MZT1: variants seen among roughly 807,000 people sequenced by gnomAD.
MZT1 encodes mitotic-spindle organizing protein 1.
MZT1 carries 8 observed loss-of-function variants against 8.5 expected under a neutral mutation model. The ratio of observed to expected loss-of-function variants is 0.94; its 90% CI spans 0.55 to 1.70. The LOEUF (loss-of-function observed/expected upper bound fraction) is 1.70, where lower values mean the gene tolerates loss of function less well. Ranked by LOEUF, MZT1 falls within the 40% of genes most tolerant of loss-of-function variation. The pLI is 0.00. For synonymous variants in MZT1, 38 were observed against 42.0 expected, an observed-to-expected ratio of 0.90 and a Z score of 0.37; for missense variants, 93 against 108.6, an observed-to-expected ratio of 0.86 and a Z score of 0.64.
intron 2 of MZT1, among the ~76,000 whole-genome samples, chr13:72,713,783 T>C (rs563083674): frequency 6.6e-6 from 1 of 152,334 alleles, no homozygotes; most frequent in African/African-American, 2.4e-5. Context: ...ATGTTGGTAC[T>C]CAAAGTATTT....
intron 1 of MZT1, among the ~76,000 whole-genome samples, chr13:72,722,998 T>C (rs994063445): frequency 6.6e-6 from 1 of 152,242 alleles, no homozygotes; most frequent in African/African-American, 2.4e-5. Context: ...ACCATCAGTA[T>C]ACTGGAACAC....
At chr13:72,722,747 T>G (rs2032603213) in intron 1 of MZT1, among the ~76,000 whole-genome samples, 1 of 152,202 alleles carries the variant, frequency 6.6e-6, no homozygotes. Context: ...GACAATCCCC[T>G]GCTGTGGTTC....
At chr13:72,726,168 G>T (rs1419149161) in intron 1 of MZT1, among the ~76,000 whole-genome samples, 1 of 152,266 alleles carries the variant, frequency 6.6e-6, no homozygotes, top group East Asian at 1.9e-4. Context: ...GGTGGCTCAC[G>T]CCTGTAATCC....
At chr13:72,720,803 G>A (rs1367126709) in intron 1 of MZT1, among the ~76,000 whole-genome samples, 1 of 152,132 alleles carries the variant, frequency 6.6e-6, no homozygotes. Context: ...CAGGAGAATC[G>A]CTTGAACCCG....
intron 1 of MZT1, among the ~76,000 whole-genome samples, chr13:72,725,178 A>G (rs2032635928): frequency 6.6e-6 from 1 of 152,182 alleles, no homozygotes; most frequent in Non-Finnish European, 1.5e-5. Flanking sequence ...CAATCAATAG[A>G]GAGTACCTAA....
At chr13:72,716,779 C>T (rs185267076) in intron 2 of MZT1, among the ~76,000 whole-genome samples, 1 of 152,138 alleles carries the variant, frequency 6.6e-6, no homozygotes, top group African/African-American at 2.4e-5. Context: ...TTTTTAGTTG[C>T]CAATCTGAGC....
chr13:72,724,292 A>C (rs2032618116), intron 1 of MZT1, among the ~76,000 whole-genome samples: 1 of 152,148 alleles, frequency 6.6e-6, no homozygotes, highest in African/African-American at 2.4e-5. Context: ...AATTTTGATA[A>C]AAGACTGGTG....
At chr13:72,717,351 T>TC (rs1566213031) in intron 2 of MZT1, among the ~76,000 whole-genome samples, 5 of 151,476 alleles carry the variant, frequency 3.3e-5, no homozygotes, top group African/African-American at 7.3e-5. Context: ...TTTTTTTTTT[T>TC]TTTTTTAGAT....
rs2032462819 is a variant in MZT1 at position 72,709,191 on chromosome 13, G to GC, written c.*1130_*1131insG. 2 of 151,612 alleles carry GC rather than the reference G, an allele frequency of 1.3e-5. No homozygotes were observed. Among genetic ancestry groups the GC allele is most frequent in the African/African-American group, 4.8e-5 (2 of 41,348 alleles). 9.4% of individuals were successfully genotyped at this position (151,612 alleles called of 1,614,324 possible). ...ATCCTTGACATCAAGATGTTAAAAA[G>GC]GTTTTTTAAAAAAAGCCATACTTGA... On this transcript the variant is annotated 3_prime_UTR_variant, in exon 3 of 3. Coordinates refer to ENST00000377818, the MANE Select transcript of MZT1 (RefSeq NM_001071775.3).
chr13:72,710,060 A>G lies in MZT1; in HGVS notation c.*262T>C, dbSNP rs1040364962. The G allele has an allele frequency of 2.2e-6, 1 of 452,036 alleles. No homozygotes were observed. Among genetic ancestry groups the G allele is most frequent in the Admixed American group, 4.0e-5 (1 of 25,082 alleles). 28.0% of individuals were successfully genotyped at this position (452,036 alleles called of 1,614,324 possible). On this transcript the variant is annotated 3_prime_UTR_variant, in exon 3 of 3. Coordinates refer to ENST00000377818, the MANE Select transcript of MZT1 (RefSeq NM_001071775.3). The stretch of plus-strand genomic sequence containing the variant: ...AAGCTATCAGAGCTATAAATAAGGA[A>G]TACATAAATATGAACATAGCAATGC...
In MZT1 at chr13:72,708,961, T is replaced by C. The variant is rs1424136210; in HGVS notation, c.*1361A>G. On this transcript the variant is annotated 3_prime_UTR_variant, in exon 3 of 3. Coordinates refer to ENST00000377818, the MANE Select transcript of MZT1 (RefSeq NM_001071775.3). ...GTACAATCATATAAATGGTACTCAATAAAATCTAAAATTTAAGAAATAATA... is the reference window on the plus strand; with the variant it reads ...GTACAATCATATAAATGGTACTCAACAAAATCTAAAATTTAAGAAATAATA... 6.6e-6 allele frequency: 1 copy of C among 152,024 alleles called. No homozygotes were observed. Among genetic ancestry groups the C allele is most frequent in the African/African-American group, 2.4e-5 (1 of 41,434 alleles). The allele number at this position is 152,024 out of a possible 1,614,324, so 9.4% of individuals were successfully genotyped here.
rs753244239 is a variant in MZT1, at chr13:72,710,317, G to T, written c.*5C>A. On this transcript the variant is annotated 3_prime_UTR_variant, in exon 3 of 3. Coordinates refer to ENST00000377818, the MANE Select transcript of MZT1 (RefSeq NM_001071775.3). ...GACATATCTCATCAGAATTTCTCCA[G>T]AAAGTCAGCTTGTCATATTTTCAGC... The T allele has an allele frequency of 1.2e-6, 2 of 1,613,040 alleles. No individual in the cohort carries two copies. The highest frequency in any genetic ancestry group is 1.1e-5 in the South Asian group (1 of 91,032).
At chr13:72,715,073 C>A (rs557471788) in intron 2 of MZT1, among the ~76,000 whole-genome samples, 1 of 152,192 alleles carries the variant, frequency 6.6e-6, no homozygotes, top group Admixed American at 6.5e-5. Flanking sequence ...TGCCAGCCCA[C>A]GAAAGCAGCC....
intron 1 of MZT1, among the ~76,000 whole-genome samples, chr13:72,726,198 G>C (rs1306448204): frequency 2.0e-5 from 3 of 152,156 alleles, no homozygotes; most frequent in African/African-American, 4.8e-5. Flanking sequence ...GGGAGGCCGA[G>C]GCATGTGGAT....
At chr13:72,725,189 C>A (rs1007527941) in intron 1 of MZT1, among the ~76,000 whole-genome samples, 23 of 152,028 alleles carry the variant, frequency 1.5e-4, no homozygotes, top group East Asian at 1.9e-4. Context: ...GAGTACCTAA[C>A]ATACCAAAAA....
intron 1 of MZT1, 143 bp downstream of exon 1, chr13:72,727,381 C>G: frequency 2.4e-6 from 2 of 817,568 alleles, no homozygotes; most frequent in Non-Finnish European, 4.2e-6. Context: ...AGCCCTGCGG[C>G]CCTGGCAGGT....
chr13:72,719,164 T>C lies in MZT1; in HGVS notation c.80-67A>G, dbSNP rs1163693282. Reference sequence around the variant, plus strand: ...GCATTTAAAAATATGCATATAGTACTTTCATTAATTTATATATCACTGCAC... The same window carrying C: ...GCATTTAAAAATATGCATATAGTACCTTCATTAATTTATATATCACTGCAC... On this transcript the variant is annotated intron_variant, in intron 1 of 2. Coordinates refer to ENST00000377818, the MANE Select transcript of MZT1 (RefSeq NM_001071775.3). 7 of 1,258,246 alleles carry C rather than the reference T, an allele frequency of 5.6e-6. No individual in the cohort carries two copies. In the Admixed American group the frequency reaches 1.7e-4, roughly 30 times the overall value. The allele number at this position is 1,258,246 out of a possible 1,614,324, so 77.9% of individuals were successfully genotyped here.
At chr13:72,723,367 A>T (rs2032608338) in intron 1 of MZT1, among the ~76,000 whole-genome samples, 1 of 152,214 alleles carries the variant, frequency 6.6e-6, no homozygotes. Flanking sequence ...GTACAGGTTG[A>T]ACACTCCTAA....
intron 2 of MZT1, among the ~76,000 whole-genome samples, chr13:72,717,759 T>C (rs1353253343): frequency 6.6e-6 from 1 of 152,212 alleles, no homozygotes; most frequent in Non-Finnish European, 1.5e-5. Flanking sequence ...AACATTCTGA[T>C]CCTAATGTTA....
Sources: gnomAD v4.1 joint callset for allele counts (sites outside exome capture counted in the v4.1 genomes callset) on GRCh38, gnomAD v4.1.1 for gene constraint, MANE v1.5 for transcripts, NCBI Gene and HGNC (gene_info 2026-07-23, HGNC 2026-07-21) for gene names.